Variants in TUSC3 observed in about 807,000 individuals in gnomAD.
TUSC3 encodes the protein tumor suppressor candidate 3, also known as dolichyl-diphosphooligosaccharide--protein glycosyltransferase subunit TUSC3.
TUSC3 carries 45 observed loss-of-function variants against 44.8 expected under a neutral mutation model. That is an observed-to-expected ratio of 1.00 (90% CI 0.79 to 1.29). TUSC3 has a LOEUF of 1.29. Ranked by LOEUF, TUSC3 falls within the 50% of genes most tolerant of loss-of-function variation. The pLI is 0.00. For synonymous variants in TUSC3, 212 were observed against 152.9 expected (o/e 1.39, Z -2.85); for missense variants, 519 against 437.9 (o/e 1.19, Z -1.65).
At chr8:15,841,644 G>T in the TUSC3 span, among the ~76,000 whole-genome samples, 57 of 152,126 alleles carry the variant, frequency 3.7e-4, no homozygotes, top group African/African-American at 1.3e-3. Flanking sequence ...GTCCTGAGTA[G>T]CTAGGATTAC....
At chr8:15,633,755 A>G (rs11994644) in intron 2 of TUSC3, among the ~76,000 whole-genome samples, 5,614 of 152,230 alleles carry the variant, frequency 0.037, 168 homozygotes, top group African/African-American at 0.079. Context: ...TCTCCCCTTC[A>G]GTTTTAAGAG....
chr8:15,639,302 T>A (rs1397632413), intron 2 of TUSC3, among the ~76,000 whole-genome samples: 2 of 152,154 alleles, frequency 1.3e-5, no homozygotes, highest in African/African-American at 2.4e-5. Context: ...GTGATGATGA[T>A]CATGTGTTGA....
At chr8:15,423,389 G>A (rs778100259) in intron 1 of TUSC3, among the ~76,000 whole-genome samples, 8 of 152,064 alleles carry the variant, frequency 5.3e-5, no homozygotes, top group Non-Finnish European at 1.0e-4. Flanking sequence ...CTTACTTTTC[G>A]GATACTGTCT....
intron 1 of TUSC3, among the ~76,000 whole-genome samples, chr8:15,571,376 GT>G (rs1336011200): frequency 3.3e-5 from 5 of 152,108 alleles, no homozygotes; most frequent in Non-Finnish European, 5.9e-5. Context: ...GAGTTAGCAA[GT>G]TTTTTGGTTT....
intron 2 of TUSC3, among the ~76,000 whole-genome samples, chr8:15,639,074 G>C (rs531367154): frequency 6.8e-6 from 1 of 146,656 alleles, no homozygotes; most frequent in Non-Finnish European, 1.5e-5. Context: ...GCTGATGCTC[G>C]ATCACGTGAT....
At chr8:15,622,403 G>A (rs776624717) in intron 1 of TUSC3, among the ~76,000 whole-genome samples, 1 of 151,722 alleles carries the variant, frequency 6.6e-6, no homozygotes, top group Non-Finnish European at 1.5e-5. Context: ...AAAGTGCTAG[G>A]ATTACAGGTG....
the TUSC3 span, among the ~76,000 whole-genome samples, chr8:15,821,772 T>C: frequency 7.0e-6 from 1 of 142,056 alleles, no homozygotes; most frequent in East Asian, 2.3e-4. Context: ...AATTTCCTTT[T>C]ATATACTTGT....
At chr8:15,457,298 C>G (rs532025380) in intron 1 of TUSC3, among the ~76,000 whole-genome samples, 31 of 151,472 alleles carry the variant, frequency 2.0e-4, no homozygotes, top group South Asian at 8.3e-4. Context: ...CACAAGTACC[C>G]TAGAACTTAA....
intron 10 of TUSC3, among the ~76,000 whole-genome samples, chr8:15,760,876 G>A (rs889426281): frequency 6.6e-6 from 1 of 152,086 alleles, no homozygotes; most frequent in Non-Finnish European, 1.5e-5. Flanking sequence ...TTCTTCGGTC[G>A]AGGCTGCTGT....
intron 6 of TUSC3, among the ~76,000 whole-genome samples, chr8:15,724,382 T>C (rs1374236188): frequency 1.3e-5 from 2 of 152,178 alleles, no homozygotes; most frequent in East Asian, 1.9e-4. Context: ...TCATTTTATA[T>C]AGACATTGAT....
intron 1 of TUSC3, among the ~76,000 whole-genome samples, chr8:15,471,784 A>C (rs1290842542): frequency 6.6e-6 from 1 of 151,936 alleles, no homozygotes; most frequent in Non-Finnish European, 1.5e-5. Context: ...CGTCCAGCTA[A>C]TTTTTGTATT....
At chr8:15,519,676 C>T (rs1228397955) in intron 2 of TUSC3, among the ~76,000 whole-genome samples, 1 of 152,146 alleles carries the variant, frequency 6.6e-6, no homozygotes, top group African/African-American at 2.4e-5. Flanking sequence ...CCTCCTGCAT[C>T]CCCACCATCC....
chr8:15,452,973 A>G (rs1242774662), intron 1 of TUSC3, among the ~76,000 whole-genome samples: 2 of 152,056 alleles, frequency 1.3e-5, no homozygotes, highest in Non-Finnish European at 2.9e-5. Context: ...CCAGATAGCG[A>G]CCACTCCCCC....
chr8:15,643,789 G>A (rs1202471873), intron 2 of TUSC3, among the ~76,000 whole-genome samples: 1 of 152,194 alleles, frequency 6.6e-6, no homozygotes, highest in Non-Finnish European at 1.5e-5. Context: ...AACTGTGTTA[G>A]AAGTCTTTGT....
chr8:15,472,702 A>C (rs1280445477), intron 1 of TUSC3, among the ~76,000 whole-genome samples: 1 of 152,200 alleles, frequency 6.6e-6, no homozygotes, highest in Admixed American at 6.5e-5. Flanking sequence ...CTTGCACTAG[A>C]AACCAGGTTA....
At chr8:15,741,540 C>T (rs1213197156) in intron 7 of TUSC3, among the ~76,000 whole-genome samples, 2 of 152,032 alleles carry the variant, frequency 1.3e-5, no homozygotes, top group East Asian at 3.9e-4. Context: ...CTAAAGTTGT[C>T]CGGGCATGGC....
chr8:15,448,979 A>T (rs1800149346), intron 1 of TUSC3, among the ~76,000 whole-genome samples: 1 of 152,160 alleles, frequency 6.6e-6, no homozygotes, highest in African/African-American at 2.4e-5. Flanking sequence ...TGTTTAGAAA[A>T]TGTATAGTAG....
intron 6 of TUSC3, among the ~76,000 whole-genome samples, chr8:15,688,072 A>G (rs1226947094): frequency 1.3e-5 from 2 of 152,192 alleles, no homozygotes; most frequent in Non-Finnish European, 2.9e-5. Flanking sequence ...ACTACCTGTT[A>G]ACTTTTTCAT....
intron 1 of TUSC3, among the ~76,000 whole-genome samples, chr8:15,547,646 T>C (rs1231222112): frequency 1.4e-5 from 2 of 143,298 alleles, no homozygotes; most frequent in African/African-American, 5.1e-5. Flanking sequence ...AAATCCTAAC[T>C]TTGAGTGAGA....
Sources: allele counts gnomAD v4.1 joint callset (sites outside exome capture counted in the v4.1 genomes callset), GRCh38; gene constraint gnomAD v4.1.1; transcripts MANE v1.5; gene names NCBI Gene and HGNC (gene_info 2026-07-23, HGNC 2026-07-21).